The following IGF1R variants were observed in gnomAD, a reference collection of about 807,000 sequenced individuals.
The protein encoded by IGF1R is insulin-like growth factor 1 receptor.
Under a neutral mutation model 144.6 loss-of-function variants are expected in IGF1R, and 44 were observed. The observed-to-expected ratio is 0.30, with a 90% confidence interval of 0.24 to 0.39. The LOEUF is 0.39. Among genes scored for constraint, IGF1R ranks in the 10% least tolerant of loss-of-function variants. The pLI is 1.00. For missense variants in IGF1R, 1,355 were observed against 1,833.7 expected, an observed-to-expected ratio of 0.74 and a Z score of 4.77; for synonymous variants, 795 against 722.8, an observed-to-expected ratio of 1.10 and a Z score of -1.60.
At chr15:98,802,468 G>T (rs2056383380) in intron 2 of IGF1R, among the ~76,000 whole-genome samples, 1 of 152,152 alleles carries the variant, frequency 6.6e-6, no homozygotes. Flanking sequence ...TACAGTCTTG[G>T]CCCTGAGAGA....
At chr15:98,783,582 T>A (rs2055909112) in intron 2 of IGF1R, among the ~76,000 whole-genome samples, 1 of 152,244 alleles carries the variant, frequency 6.6e-6, no homozygotes, top group Admixed American at 6.5e-5. Flanking sequence ...TTTCTTTGAT[T>A]TACTTCATTA....
At chr15:98,753,762 A>G (rs1219363065) in intron 2 of IGF1R, among the ~76,000 whole-genome samples, 1 of 152,170 alleles carries the variant, frequency 6.6e-6, no homozygotes, top group Non-Finnish European at 1.5e-5. Flanking sequence ...TTTTTATGAT[A>G]TTATTTGGAT....
intron 2 of IGF1R, among the ~76,000 whole-genome samples, chr15:98,732,850 G>C (rs2054524874): frequency 6.6e-6 from 1 of 152,142 alleles, no homozygotes; most frequent in African/African-American, 2.4e-5. Context: ...GCTGCAGAGA[G>C]GGAGATCCTG....
intron 2 of IGF1R, among the ~76,000 whole-genome samples, chr15:98,878,447 A>G (rs530723394): frequency 6.6e-6 from 1 of 152,316 alleles, no homozygotes; most frequent in South Asian, 2.1e-4. Context: ...TATAAGGAAT[A>G]TACAAACAGT....
chr15:98,922,453 C>A (rs369906409), intron 11 of IGF1R, 22 bp downstream of exon 11: 90 of 1,603,248 alleles, frequency 5.6e-5, no homozygotes, highest in Non-Finnish European at 7.0e-5. Context: ...TCCAGCTGGC[C>A]CCATTGCCAC....
chr15:98,881,124 C>A (rs888820553), intron 2 of IGF1R, among the ~76,000 whole-genome samples: 1 of 152,174 alleles, frequency 6.6e-6, no homozygotes, highest in Admixed American at 6.5e-5. Flanking sequence ...ATCTCCTTAG[C>A]ATCACCTGGA....
chr15:98,820,524 A>C (rs1359245586), intron 2 of IGF1R, among the ~76,000 whole-genome samples: 1 of 152,218 alleles, frequency 6.6e-6, no homozygotes, highest in Non-Finnish European at 1.5e-5. Context: ...CCAGGTGGGC[A>C]AGGCAGTTTT....
At chr15:98,902,104 A>G (rs1010675456) in intron 5 of IGF1R, among the ~76,000 whole-genome samples, 1 of 152,082 alleles carries the variant, frequency 6.6e-6, no homozygotes, top group Non-Finnish European at 1.5e-5. Context: ...TTTGCTACAC[A>G]TTATGGAATC....
intron 2 of IGF1R, among the ~76,000 whole-genome samples, chr15:98,808,521 A>G (rs1376692412): frequency 1.3e-5 from 2 of 152,192 alleles, no homozygotes; most frequent in African/African-American, 4.8e-5. Flanking sequence ...TAAGTTTAAT[A>G]TATACATTCA....
intron 6 of IGF1R, among the ~76,000 whole-genome samples, chr15:98,909,511 A>C (rs977398058): frequency 1.3e-5 from 2 of 151,984 alleles, no homozygotes; most frequent in African/African-American, 4.8e-5. Flanking sequence ...CACGTGCCTC[A>C]GCCTCCCAAA....
At chr15:98,693,670 A>G (rs2053532478) in intron 1 of IGF1R, among the ~76,000 whole-genome samples, 1 of 152,096 alleles carries the variant, frequency 6.6e-6, no homozygotes, top group Non-Finnish European at 1.5e-5. Flanking sequence ...CAATGGCATG[A>G]TCTCGGCTAA....
intron 2 of IGF1R, among the ~76,000 whole-genome samples, chr15:98,791,367 T>C (rs2056123398): frequency 6.6e-6 from 1 of 152,244 alleles, no homozygotes. Flanking sequence ...TTGTAACTTA[T>C]TACATGTATT....
chr15:98,828,200 C>T (rs1193882568), intron 2 of IGF1R, among the ~76,000 whole-genome samples: 2 of 152,204 alleles, frequency 1.3e-5, no homozygotes, highest in African/African-American at 4.8e-5. Context: ...AGGTAGTTCT[C>T]ATGTCTTCCC....
At chr15:98,807,771 G>A (rs1043053463) in intron 2 of IGF1R, among the ~76,000 whole-genome samples, 13 of 152,254 alleles carry the variant, frequency 8.5e-5, no homozygotes, top group Non-Finnish European at 1.3e-4. Flanking sequence ...GTTGTCATTA[G>A]TGTATACCCT....
chr15:98,777,991 G>T (rs923021918), intron 2 of IGF1R, among the ~76,000 whole-genome samples: 7 of 152,164 alleles, frequency 4.6e-5, no homozygotes, highest in African/African-American at 1.7e-4. Context: ...TGTGTACGGG[G>T]GTTAGATATT....
At chr15:98,824,806 C>T (rs949757505) in intron 2 of IGF1R, among the ~76,000 whole-genome samples, 16 of 152,026 alleles carry the variant, frequency 1.1e-4, no homozygotes, top group Admixed American at 2.0e-4. Context: ...TCATCTATTA[C>T]GCTGTTTCGT....
At chr15:98,869,573 T>A (rs536422257) in intron 2 of IGF1R, among the ~76,000 whole-genome samples, 1 of 152,186 alleles carries the variant, frequency 6.6e-6, no homozygotes, top group East Asian at 1.9e-4. Flanking sequence ...GTAGCTGGGA[T>A]TACAGGCATG....
At position 98,891,606 on chromosome 15, in the gene IGF1R, C is replaced by T. The variant is rs1476643383; in HGVS notation, c.922C>T (p.Pro308Ser). 2.5e-6 allele frequency: 4 copies of T among 1,602,558 alleles called. No individual in the cohort carries two copies. The highest frequency in any genetic ancestry group is 2.7e-5 in the African/African-American group (2 of 74,930). The stretch of plus-strand genomic sequence containing the variant: ...CGACGGCGAGTGCATGCAGGAGTGC[C>T]CCTCGGGCTTCATCCGCAACGGCAG... ...IHDGECMQEC[P>S]SGFIRNGSQS... Residue 308 changes from proline (P) to serine (S), a missense_variant, in exon 3 of 21, where the codon CCC (proline) becomes TCC (serine). Pro to Ser is a moderately conservative substitution (Grantham distance 74, BLOSUM62 -1). Around this residue, in one of 7 missense-constraint regions of IGF1R, gnomAD observed 880 missense variants for 1,202.7 expected, o/e 0.73. Coordinates refer to ENST00000650285, the MANE Select transcript of IGF1R (RefSeq NM_000875.5). The surrounding 1 kb of genome is among the most constrained non-coding windows in gnomAD (Gnocchi z 4.7).
At chr15:98,841,213 T>G (rs553113803) in intron 2 of IGF1R, among the ~76,000 whole-genome samples, 1 of 152,276 alleles carries the variant, frequency 6.6e-6, no homozygotes, top group South Asian at 2.1e-4. Flanking sequence ...TGGAGCCCTG[T>G]ACGAGGAAGT....
Sources: allele counts gnomAD v4.1 joint callset (sites outside exome capture counted in the v4.1 genomes callset), GRCh38; gene constraint gnomAD v4.1.1; regional missense constraint gnomAD v4.1.1; non-coding constraint Gnocchi (gnomAD v3.1); transcripts MANE v1.5; gene names NCBI Gene and HGNC (gene_info 2026-07-23, HGNC 2026-07-21).